ZFPM2: variants seen among roughly 807,000 people sequenced by gnomAD.
The protein encoded by ZFPM2 is zinc finger protein ZFPM2.
ZFPM2 carries 20 observed loss-of-function variants against 98.6 expected under a neutral mutation model. That is an observed-to-expected ratio of 0.20 (90% confidence interval 0.14 to 0.29). The LOEUF is 0.29. Among genes scored for constraint, ZFPM2 ranks in the 10% least tolerant of loss-of-function variants. The pLI, the probability that ZFPM2 is intolerant of heterozygous loss-of-function variation, is 1.00. For missense variants in ZFPM2, 1,310 were observed against 1,388.6 expected (o/e 0.94, Z 0.90); for synonymous variants, 518 against 502.7 (o/e 1.03, Z -0.41).
At chr8:105,756,944 G>T (rs1812614338) in intron 5 of ZFPM2, among the ~76,000 whole-genome samples, 1 of 152,174 alleles carries the variant, frequency 6.6e-6, no homozygotes, top group African/African-American at 2.4e-5. Context: ...AATGGGAACA[G>T]GGAAGAGCAG....
chr8:105,545,293 C>T (rs910045928), intron 3 of ZFPM2, among the ~76,000 whole-genome samples: 3 of 152,022 alleles, frequency 2.0e-5, no homozygotes, highest in African/African-American at 7.2e-5. Flanking sequence ...TGTAATTGTC[C>T]ATTATACATT....
intron 1 of ZFPM2, among the ~76,000 whole-genome samples, chr8:105,414,684 T>C (rs1227529216): frequency 3.3e-5 from 5 of 151,992 alleles, no homozygotes; most frequent in African/African-American, 1.2e-4. Context: ...GGGTTTTCTT[T>C]AGCCCCCTGA....
chr8:105,589,829 C>T (rs1484882624), intron 4 of ZFPM2, among the ~76,000 whole-genome samples: 1 of 152,162 alleles, frequency 6.6e-6, no homozygotes, highest in Non-Finnish European at 1.5e-5. Flanking sequence ...TCAAGCGATT[C>T]TCCTGCCTCA....
chr8:105,452,938 G>A (rs760775412), intron 3 of ZFPM2, among the ~76,000 whole-genome samples: 39 of 152,104 alleles, frequency 2.6e-4, no homozygotes, highest in Non-Finnish European at 5.0e-4. Flanking sequence ...AAGTAAACCT[G>A]TTTTGTTTTT....
At chr8:105,441,454 G>GAGAGAGAGAGAGAGAGAAAGAAAGA in intron 2 of ZFPM2, among the ~76,000 whole-genome samples, 1 of 54,364 alleles carries the variant, frequency 1.8e-5, no homozygotes, top group African/African-American at 1.1e-4. Flanking sequence ...GAGAGAGAGA[G>GAGAGAGAGAGAGAGAGAAAGAAAGA]AAAGAAAGAA....
At chr8:105,509,842 C>T (rs1813779272) in intron 3 of ZFPM2, among the ~76,000 whole-genome samples, 2 of 151,980 alleles carry the variant, frequency 1.3e-5, no homozygotes, top group Admixed American at 1.3e-4. Flanking sequence ...AAAGTTAATG[C>T]TATTTTGTGG....
intron 3 of ZFPM2, among the ~76,000 whole-genome samples, chr8:105,451,336 C>G (rs1436626104): frequency 6.6e-6 from 1 of 152,064 alleles, no homozygotes; most frequent in Non-Finnish European, 1.5e-5. Flanking sequence ...TGACAATTCA[C>G]CAATTATTTA....
At chr8:105,690,289 G>A (rs74858957) in intron 5 of ZFPM2, among the ~76,000 whole-genome samples, 8 of 152,280 alleles carry the variant, frequency 5.3e-5, no homozygotes, top group Admixed American at 6.5e-5. Context: ...CTGATGCTCC[G>A]CAAGAGCACT....
At chr8:105,323,025 T>C (rs2130647652) in intron 1 of ZFPM2, among the ~76,000 whole-genome samples, 1 of 151,724 alleles carries the variant, frequency 6.6e-6, no homozygotes, top group South Asian at 2.1e-4. Flanking sequence ...TTAAATTTAT[T>C]ATTTAATATT....
chr8:105,680,801 G>C lies in ZFPM2; in HGVS notation c.532+46444G>C, dbSNP rs547827211. On this transcript the variant is annotated intron_variant, in intron 5 of 7. Transcript: ENST00000407775. ...TAAAAGACTTTGGGATCTCTAAAAT[G>C]CTTCATGAAACCATATAATTACTAT... is the stretch of plus-strand genomic sequence containing the variant. 3.3e-5 allele frequency among the ~76,000 whole-genome samples: 5 copies of C among 152,136 alleles called. No individual in the cohort carries two copies. The East Asian group carries it at 7.7e-4, about 24-fold the overall frequency.
Position 105,318,975 on chromosome 8 carries a change from A to G in ZFPM2, c.34A>G (p.Ile12Val). Residue 12 changes from isoleucine (I) to valine (V), a missense_variant, in exon 1 of 8, where the codon ATC (isoleucine) becomes GTC (valine). Coordinates refer to ENST00000407775, the MANE Select transcript of ZFPM2 (RefSeq NM_012082.4). ...GCGAAAGCAAAGCAAACCCCGGCAGATCAAACGTAAGTTTGCGCGCGGGGC... is the reference window on the plus strand; with the variant it reads ...GCGAAAGCAAAGCAAACCCCGGCAGGTCAAACGTAAGTTTGCGCGCGGGGC... ...SRRKQSKPRQ[I>V]KRPLEDAIED... The G allele has an allele frequency of 1.3e-6, 2 of 1,489,132 alleles. No individual in the cohort carries two copies. Among genetic ancestry groups the G allele is most frequent in the Non-Finnish European group, 1.8e-6 (2 of 1,111,754 alleles). The allele number at this position is 1,489,132 out of a possible 1,614,324, so 92.2% of individuals were successfully genotyped here.
intron 2 of ZFPM2, among the ~76,000 whole-genome samples, chr8:105,435,053 C>T (rs971430946): frequency 2.2e-4 from 33 of 152,300 alleles, no homozygotes; most frequent in Admixed American, 5.9e-4. Context: ...TTTAAAGATT[C>T]TGTTTCATAT....
intron 1 of ZFPM2, among the ~76,000 whole-genome samples, chr8:105,377,614 A>C (rs1375434914): frequency 8.3e-5 from 12 of 144,746 alleles, no homozygotes; most frequent in Non-Finnish European, 1.5e-4. Flanking sequence ...ATCCAAAAAA[A>C]AAAAAAAAAA....
At chr8:105,559,237 T>G (rs1004473272) in intron 3 of ZFPM2, among the ~76,000 whole-genome samples, 2 of 152,186 alleles carry the variant, frequency 1.3e-5, no homozygotes, top group African/African-American at 2.4e-5. Context: ...TTTCCATAGT[T>G]TCTGGACACT....
At chr8:105,588,299 A>G (rs377749512) in intron 4 of ZFPM2, among the ~76,000 whole-genome samples, 29 of 152,226 alleles carry the variant, frequency 1.9e-4, no homozygotes, top group East Asian at 1.4e-3. Flanking sequence ...GAAATCCACA[A>G]TTACCCCCAA....
intron 5 of ZFPM2, among the ~76,000 whole-genome samples, chr8:105,651,613 G>A (rs1817178509): frequency 6.6e-6 from 1 of 151,962 alleles, no homozygotes; most frequent in Non-Finnish European, 1.5e-5. Flanking sequence ...ACCTCTAAAA[G>A]GCCTTCTTTA....
At chr8:105,799,058 A>C in intron 7 of ZFPM2, 110 bp downstream of exon 7, 1 of 1,033,660 alleles carries the variant, frequency 9.7e-7, no homozygotes, top group Non-Finnish European at 1.4e-6. Context: ...GCTATCTATA[A>C]CATCAAAATC....
At chr8:105,527,237 G>A (rs1017836063) in intron 3 of ZFPM2, among the ~76,000 whole-genome samples, 10 of 152,192 alleles carry the variant, frequency 6.6e-5, no homozygotes, top group African/African-American at 1.7e-4. Context: ...TATTCTCCAC[G>A]TTCAATCTGT....
At chr8:105,596,699 G>A (rs1424537857) in intron 4 of ZFPM2, among the ~76,000 whole-genome samples, 2 of 142,706 alleles carry the variant, frequency 1.4e-5, no homozygotes, top group African/African-American at 5.2e-5. Flanking sequence ...AGCAACTCAT[G>A]ATAGAGAAGG....
Sources: gnomAD v4.1 joint callset for allele counts (sites outside exome capture counted in the v4.1 genomes callset) on GRCh38, gnomAD v4.1.1 for gene constraint, MANE v1.5 for transcripts, NCBI Gene and HGNC (gene_info 2026-07-23, HGNC 2026-07-21) for gene names.